The following NAALAD2 variants were observed in gnomAD, a reference collection of about 807,000 sequenced individuals.
NAALAD2 encodes the protein N-acetylated alpha-linked acidic dipeptidase 2, also known as N-acetylated-alpha-linked acidic dipeptidase 2.
A neutral mutation model predicts 95.6 loss-of-function variants in NAALAD2; 89 were observed. The ratio of observed to expected loss-of-function variants is 0.93; its 90% CI spans 0.78 to 1.11. The LOEUF is 1.11. Among genes scored for constraint, NAALAD2 ranks in the 50% least tolerant of loss-of-function variants. The pLI is 0.00. For missense variants in NAALAD2, 894 were observed against 872.4 expected (o/e 1.02, Z -0.31); for synonymous variants, 264 against 294.4 (o/e 0.90, Z 1.06).
At position 90,152,353 on chromosome 11, in the gene NAALAD2, C is replaced by A. The variant is rs776061921; in HGVS notation, c.665C>A (p.Ala222Asp). 49 of 1,613,272 alleles carry A rather than the reference C, an allele frequency of 3.0e-5. No individual in the cohort carries two copies. The highest frequency in any genetic ancestry group is 4.2e-5 in the Non-Finnish European group (49 of 1,179,502). Reference protein sequence around the residue: ...AIGIILYSDPADYFAPEVQPY... With the variant: ...AIGIILYSDPDDYFAPEVQPY... ...GGAATCATCTTGTACTCAGATCCAG[C>A]TGACTACTTTGCTCCTGAGGTACAG... Residue 222 changes from alanine to aspartate, a missense_variant, in exon 6 of 19, where the codon GCT (alanine) becomes GAT (aspartate). Transcript: ENST00000534061.
chr11:90,159,426 C>A, intron 8 of NAALAD2, 89 bp downstream of exon 8: 4 of 929,506 alleles, frequency 4.3e-6, no homozygotes, highest in Non-Finnish European at 6.7e-6. Context: ...GGGTATTTTG[C>A]TTATCTCTTT....
At chr11:90,150,117 T>C (rs564307503) in intron 4 of NAALAD2, among the ~76,000 whole-genome samples, 2 of 152,190 alleles carry the variant, frequency 1.3e-5, no homozygotes, top group East Asian at 3.9e-4. Flanking sequence ...TATCTGGGCA[T>C]GGTGGCGCAT....
chr11:90,169,045 A>C, intron 12 of NAALAD2, 53 bp downstream of exon 12: 1 of 1,342,344 alleles, frequency 7.4e-7, no homozygotes, highest in Non-Finnish European at 1.1e-6. Context: ...ATTTTACTTC[A>C]AGTAACTTTT....
At position 90,150,534 on chromosome 11, in the gene NAALAD2, A is replaced by G; in HGVS notation, c.536A>G (p.Glu179Gly). The G allele has an allele frequency of 6.2e-7, 1 of 1,611,838 alleles. No homozygotes were observed. Among genetic ancestry groups the G allele is most frequent in the Non-Finnish European group, 8.5e-7 (1 of 1,178,498 alleles). Reference protein sequence around the residue: ...YARTEDFFKLEREMGINCTGK... With the variant: ...YARTEDFFKLGREMGINCTGK... ...CGCACTGAAGACTTTTTCAAACTAG[A>G]AAGAGAGATGGGCATCAACTGTACT... The change falls in exon 5 of 19, where the codon GAA becomes GGA. Residue 179 changes from glutamate to glycine, a missense_variant. Physicochemically the swap from Glu to Gly is moderately conservative, Grantham distance 98. Coordinates refer to ENST00000534061, the MANE Select transcript of NAALAD2 (RefSeq NM_005467.4).
chr11:90,186,627 A>G (rs1254944726), intron 18 of NAALAD2, among the ~76,000 whole-genome samples: 1 of 151,700 alleles, frequency 6.6e-6, no homozygotes, highest in Non-Finnish European at 1.5e-5. Context: ...AGCCATATGT[A>G]GAAAGCTGAA....
chr11:90,173,865 T>G lies in NAALAD2; in HGVS notation c.1452T>G (p.Tyr484Ter), dbSNP rs747698152. Residue 484 changes from tyrosine to a stop codon, truncating the protein, a stop_gained, in exon 14 of 19, where the codon TAT becomes TAG. Coordinates refer to ENST00000534061, the MANE Select transcript of NAALAD2 (RefSeq NM_005467.4). LOFTEE classifies it high-confidence loss of function. The stretch of plus-strand genomic sequence containing the variant: ...ATGGGTTTGAGAGTAAATCACTGTA[T>G]GAAAGCTGGTTGGAAAAAGACCCTT... ...PDDGFESKSL[Y>*]ESWLEKDPSP... 6.2e-7 allele frequency: 1 copy of G among 1,613,178 alleles called. No individual in the cohort carries two copies. The highest frequency in any genetic ancestry group is 1.1e-5 in the South Asian group (1 of 91,016).
intron 6 of NAALAD2, among the ~76,000 whole-genome samples, chr11:90,157,285 G>A (rs1022682128): frequency 6.6e-6 from 1 of 152,048 alleles, no homozygotes; most frequent in East Asian, 1.9e-4. Context: ...CATAAAATAA[G>A]GTGAATAAAA....
intron 13 of NAALAD2, among the ~76,000 whole-genome samples, chr11:90,171,267 C>T (rs1952625125): frequency 6.6e-6 from 1 of 152,088 alleles, no homozygotes; most frequent in Admixed American, 6.5e-5. Context: ...AAGTAGATAT[C>T]ACTTCTCTCT....
At chr11:90,182,141 G>C (rs557607766) in intron 17 of NAALAD2, among the ~76,000 whole-genome samples, 56 of 152,200 alleles carry the variant, frequency 3.7e-4, no homozygotes, top group African/African-American at 9.1e-4. Context: ...CAGTACTCCT[G>C]TGTACCAGTT....
At chr11:90,153,754 G>A (rs1320205825) in intron 6 of NAALAD2, among the ~76,000 whole-genome samples, 1 of 151,982 alleles carries the variant, frequency 6.6e-6, no homozygotes, top group Non-Finnish European at 1.5e-5. Context: ...TAGTTTCACT[G>A]TATGAATCAC....
At chr11:90,185,991 T>C (rs903974880) in intron 18 of NAALAD2, among the ~76,000 whole-genome samples, 10 of 152,110 alleles carry the variant, frequency 6.6e-5, no homozygotes, top group African/African-American at 2.4e-4. Context: ...GTCCATGATA[T>C]TTTGCTTACA....
intron 2 of NAALAD2, among the ~76,000 whole-genome samples, chr11:90,143,300 A>C (rs1466802692): frequency 6.6e-6 from 1 of 151,952 alleles, no homozygotes; most frequent in Non-Finnish European, 1.5e-5. Flanking sequence ...GTTTTTCTTC[A>C]CCCATAAAAT....
intron 18 of NAALAD2, among the ~76,000 whole-genome samples, chr11:90,188,251 C>G (rs1591034683): frequency 6.6e-6 from 1 of 152,264 alleles, no homozygotes; most frequent in South Asian, 2.1e-4. Flanking sequence ...TTAAGTTAAA[C>G]TTGATTTAAC....
At chr11:90,180,294 A>G (rs1432776026) in intron 16 of NAALAD2, among the ~76,000 whole-genome samples, 1 of 152,120 alleles carries the variant, frequency 6.6e-6, no homozygotes, top group Non-Finnish European at 1.5e-5. Context: ...TGTTTTCAGC[A>G]TTCTTTCCTC....
At chr11:90,147,048 C>T (rs1443185720) in intron 2 of NAALAD2, among the ~76,000 whole-genome samples, 1 of 152,082 alleles carries the variant, frequency 6.6e-6, no homozygotes, top group Admixed American at 6.5e-5. Context: ...AGAAGTATGA[C>T]ATTCTTCCAG....
intron 18 of NAALAD2, among the ~76,000 whole-genome samples, chr11:90,185,989 T>TA (rs1246740210): frequency 6.6e-6 from 1 of 152,022 alleles, no homozygotes; most frequent in African/African-American, 2.4e-5. Context: ...GAGTCCATGA[T>TA]ATTTTGCTTA....
At chr11:90,154,851 CATA>C (rs1322361619) in intron 6 of NAALAD2, among the ~76,000 whole-genome samples, 1 of 143,040 alleles carries the variant, frequency 7.0e-6, no homozygotes, top group Admixed American at 7.2e-5. Context: ...TATACGTATA[CATA>C]ATATGTATAT....
At chr11:90,149,133 A>C in intron 4 of NAALAD2, 26 bp downstream of exon 4, 1 of 1,436,172 alleles carries the variant, frequency 7.0e-7, no homozygotes, top group East Asian at 2.3e-5. Flanking sequence ...TTTGTAATCC[A>C]AGTCTTTAAA....
intron 16 of NAALAD2, among the ~76,000 whole-genome samples, chr11:90,178,956 T>C (rs967618912): frequency 1.3e-5 from 2 of 152,172 alleles, no homozygotes; most frequent in African/African-American, 4.8e-5. Flanking sequence ...GTAGTAGCAT[T>C]GAGGATTGAG....
Sources: gnomAD v4.1 joint callset for allele counts (sites outside exome capture counted in the v4.1 genomes callset) on GRCh38, gnomAD v4.1.1 for gene constraint, MANE v1.5 for transcripts, NCBI Gene and HGNC (gene_info 2026-07-23, HGNC 2026-07-21) for gene names.